Variants in STK32B observed in about 807,000 individuals in gnomAD.
STK32B encodes the protein serine/threonine-protein kinase 32B.
In STK32B, 43 loss-of-function variants were observed where a neutral mutation model predicts 52.6. The ratio of observed to expected loss-of-function variants is 0.82; its 90% CI spans 0.64 to 1.05. The LOEUF (loss-of-function observed/expected upper bound fraction) is 1.05. Ranked by LOEUF, STK32B falls within the 50% of genes least tolerant of loss-of-function variation. STK32B has a pLI of 0.00. For synonymous variants in STK32B, 238 were observed against 204.3 expected, an observed-to-expected ratio of 1.17 and a Z score of -1.41; for missense variants, 621 against 534.6, an observed-to-expected ratio of 1.16 and a Z score of -1.59.
At chr4:5,481,532 G>A (rs1389449750) in intron 11 of STK32B, among the ~76,000 whole-genome samples, 1 of 152,126 alleles carries the variant, frequency 6.6e-6, no homozygotes, top group African/African-American at 2.4e-5. Context: ...CATTCTCTAG[G>A]TTGCCTGTTC....
chr4:5,323,108 C>T (rs1053940273), intron 3 of STK32B, among the ~76,000 whole-genome samples: 1 of 152,124 alleles, frequency 6.6e-6, no homozygotes, highest in Non-Finnish European at 1.5e-5. Context: ...GAGCACCTCT[C>T]CTCCCTTCTC....
At chr4:5,100,714 C>T (rs202022600) in intron 1 of STK32B, among the ~76,000 whole-genome samples, 574 of 38,424 alleles carry the variant, frequency 0.015, 12 homozygotes, top group African/African-American at 0.06. Flanking sequence ...TCCTTTCTTC[C>T]TTCCCTCCTT....
intron 3 of STK32B, among the ~76,000 whole-genome samples, chr4:5,178,518 C>T (rs997117947): frequency 6.6e-6 from 1 of 152,222 alleles, no homozygotes; most frequent in Non-Finnish European, 1.5e-5. Flanking sequence ...ATGCAAATTT[C>T]TACAGCCGCC....
chr4:5,184,863 C>T (rs976962988), intron 3 of STK32B, among the ~76,000 whole-genome samples: 1 of 152,130 alleles, frequency 6.6e-6, no homozygotes, highest in African/African-American at 2.4e-5. Context: ...GCAGGGTTGC[C>T]GTGCACCTCC....
chr4:5,216,113 A>C (rs1203899203), intron 3 of STK32B, among the ~76,000 whole-genome samples: 1 of 152,192 alleles, frequency 6.6e-6, no homozygotes, highest in Non-Finnish European at 1.5e-5. Flanking sequence ...CTCAGTGTGC[A>C]TGAGAATCAC....
intron 1 of STK32B, chr4:5,139,573 A>G: frequency 7.1e-6 from 2 of 281,006 alleles, no homozygotes; most frequent in South Asian, 1.5e-4. Context: ...ATTTACTGGC[A>G]AGGCCGTACA....
intron 2 of STK32B, among the ~76,000 whole-genome samples, chr4:5,160,600 C>T (rs1211278674): frequency 6.6e-6 from 1 of 152,194 alleles, no homozygotes; most frequent in Non-Finnish European, 1.5e-5. Flanking sequence ...TCCCTTAGTC[C>T]CATGTGCTCA....
intron 1 of STK32B, among the ~76,000 whole-genome samples, chr4:5,108,638 G>C (rs1248879127): frequency 6.6e-6 from 1 of 152,210 alleles, no homozygotes; most frequent in Non-Finnish European, 1.5e-5. Flanking sequence ...TCAACTTCCA[G>C]GTAGAGGACT....
At chr4:5,053,956 G>C (rs1204272514) in intron 1 of STK32B, among the ~76,000 whole-genome samples, 1 of 135,954 alleles carries the variant, frequency 7.4e-6, no homozygotes. Flanking sequence ...TCGAGCCTGG[G>C]CACCAAGAGT....
chr4:5,388,840 C>A (rs949821753), intron 4 of STK32B, among the ~76,000 whole-genome samples: 5 of 152,182 alleles, frequency 3.3e-5, no homozygotes, highest in African/African-American at 1.2e-4. Context: ...GTTTGTGAAT[C>A]CCAAAACCTT....
chr4:5,460,404 C>A lies in STK32B; in HGVS notation c.909+176C>A, dbSNP rs2109150871. Among the ~76,000 whole-genome samples the A allele has an allele frequency of 6.6e-6, 1 of 152,344 alleles. No homozygotes were observed. The highest frequency in any genetic ancestry group is 2.1e-4 in the South Asian group (1 of 4,820). On this transcript the variant is annotated intron_variant, in intron 9 of 11. Coordinates refer to ENST00000282908, the MANE Select transcript of STK32B (RefSeq NM_018401.3). This position sits in a 1 kb window ranked among gnomAD's most constrained non-coding sequence, Gnocchi z 4.8. ...AACTTGGGCCTGATTTCCAGGGTCC[C>A]AGCCGTACAGCTTCCCTCCTTGTGG... is the stretch of plus-strand genomic sequence containing the variant.
intron 1 of STK32B, among the ~76,000 whole-genome samples, chr4:5,063,909 G>C (rs1742311906): frequency 6.6e-6 from 1 of 152,012 alleles, no homozygotes; most frequent in Admixed American, 6.6e-5. Flanking sequence ...TTTTATTGAG[G>C]TTGAAGTGTC....
Position 5,051,891 on chromosome 4 carries a change from C to A in STK32B, c.28C>A (p.Pro10Thr), listed in dbSNP as rs778688990. The change falls in exon 1 of 12, where the codon CCC becomes ACC. Residue 10 changes from proline (P) to threonine (T), a missense_variant. Transcript: ENST00000282908. ...GGGCGGGAACCACTCCCACAAGCCC[C>A]CCGTGTTTGACGAGAATGAGGAAGG... Reference protein sequence around the residue: MGGNHSHKPPVFDENEEVNF... With the variant: MGGNHSHKPTVFDENEEVNF... 1.9e-6 allele frequency: 3 copies of A among 1,600,468 alleles called. No homozygotes were observed. Among genetic ancestry groups the A allele is most frequent in the South Asian group, 2.3e-5 (2 of 88,378 alleles).
At chr4:5,384,091 G>A (rs748683549) in intron 4 of STK32B, among the ~76,000 whole-genome samples, 5 of 152,206 alleles carry the variant, frequency 3.3e-5, no homozygotes, top group Non-Finnish European at 7.3e-5. Context: ...CATAGCGGGG[G>A]ACAATGCTTG....
chr4:5,481,571 A>G (rs1162978944), intron 11 of STK32B, among the ~76,000 whole-genome samples: 1 of 152,184 alleles, frequency 6.6e-6, no homozygotes, highest in Non-Finnish European at 1.5e-5. Context: ...TTTGCTGTGC[A>G]GAAGCTCTTT....
At chr4:5,054,210 T>A (rs1741908230) in intron 1 of STK32B, among the ~76,000 whole-genome samples, 1 of 151,976 alleles carries the variant, frequency 6.6e-6, no homozygotes, top group South Asian at 2.1e-4. Context: ...GGACCGGGAA[T>A]ATGAGGAGGA....
At chr4:5,127,811 G>T (rs1715496418) in intron 1 of STK32B, among the ~76,000 whole-genome samples, 1 of 152,130 alleles carries the variant, frequency 6.6e-6, no homozygotes. Context: ...CACGTGTCGT[G>T]GTAGGGACCT....
chr4:5,157,450 G>T (rs574271222), intron 2 of STK32B, among the ~76,000 whole-genome samples: 1 of 152,336 alleles, frequency 6.6e-6, no homozygotes, highest in South Asian at 2.1e-4. Flanking sequence ...GCAGTGACCT[G>T]CAAGGGTGGG....
intron 7 of STK32B, among the ~76,000 whole-genome samples, chr4:5,448,808 T>C (rs1316656774): frequency 6.6e-6 from 1 of 152,208 alleles, no homozygotes; most frequent in Admixed American, 6.5e-5. Flanking sequence ...CTCCCAGATA[T>C]ATTTGACTGG....
Sources: gnomAD v4.1 joint callset for allele counts (sites outside exome capture counted in the v4.1 genomes callset) on GRCh38, gnomAD v4.1.1 for gene constraint, Gnocchi (gnomAD v3.1) non-coding constraint, MANE v1.5 for transcripts, NCBI Gene and HGNC (gene_info 2026-07-23, HGNC 2026-07-21) for gene names.